The following PCDH9 variants were observed in gnomAD, a reference collection of about 807,000 sequenced individuals.
The protein encoded by PCDH9 is protocadherin 9.
PCDH9 carries 24 observed loss-of-function variants against 70.6 expected under a neutral mutation model. The ratio of observed to expected loss-of-function variants is 0.34; its 90% CI spans 0.25 to 0.48. The LOEUF (loss-of-function observed/expected upper bound fraction) is 0.48. Among genes scored for constraint, PCDH9 ranks in the 20% least tolerant of loss-of-function variants. The pLI is 0.99. For synonymous variants in PCDH9, 562 were observed against 558.5 expected (o/e 1.01, Z -0.09); for missense variants, 1,281 against 1,503.6 (o/e 0.85, Z 2.45).
chr13:66,357,327 T>A (rs192303391), intron 4 of PCDH9, among the ~76,000 whole-genome samples: 161 of 152,128 alleles, frequency 1.1e-3, no homozygotes, highest in African/African-American at 3.6e-3. Flanking sequence ...AATCAGTACA[T>A]GGTTGAAATC....
intron 2 of PCDH9, among the ~76,000 whole-genome samples, chr13:67,022,506 C>A (rs917147531): frequency 2.0e-5 from 3 of 152,162 alleles, no homozygotes; most frequent in Non-Finnish European, 4.4e-5. Context: ...CACCTTGAAA[C>A]GTGAAAAATG....
At chr13:66,318,029 C>T (rs779141875) in intron 4 of PCDH9, among the ~76,000 whole-genome samples, 1 of 152,064 alleles carries the variant, frequency 6.6e-6, no homozygotes, top group Non-Finnish European at 1.5e-5. Flanking sequence ...AATGCCATTA[C>T]TCTGTTATTG....
rs1566458892 is a variant in PCDH9 at position 66,617,873 on chromosome 13, GGCGT to G, written c.3340+13333_3340+13336del. On this transcript the variant is annotated intron_variant, in intron 4 of 4. Transcript: ENST00000377865. The stretch of plus-strand genomic sequence containing the variant: ...CCTCAGACTGCCGTTTCCACAAAAC[GGCGT>G]CCCCTGTCAGCAGGAAGCAGTTCTT... Among the ~76,000 whole-genome samples the G allele has an allele frequency of 1.3e-3, 202 of 152,284 alleles. 1 individual carries two copies. Among genetic ancestry groups the G allele is most frequent in the African/African-American group, 4.6e-3 (193 of 41,562 alleles).
chr13:67,144,868 C>T (rs952297615), intron 2 of PCDH9, among the ~76,000 whole-genome samples: 2 of 152,162 alleles, frequency 1.3e-5, no homozygotes, highest in Admixed American at 6.5e-5. Flanking sequence ...TCTGCAGTCA[C>T]ATTCTTTTGA....
intron 4 of PCDH9, among the ~76,000 whole-genome samples, chr13:66,599,675 C>T (rs181905247): frequency 5.8e-4 from 88 of 151,732 alleles, no homozygotes; most frequent in African/African-American, 1.5e-3. Flanking sequence ...TTGATTAGTA[C>T]AGTGTATCCA....
chr13:66,918,206 TAGAG>T (rs1321698804), intron 2 of PCDH9, among the ~76,000 whole-genome samples: 1 of 150,774 alleles, frequency 6.6e-6, no homozygotes, highest in Non-Finnish European at 1.5e-5. Context: ...AAGTACAAAA[TAGAG>T]AGGAAGAGAG....
intron 3 of PCDH9, among the ~76,000 whole-genome samples, chr13:66,641,656 AG>A (rs989508334): frequency 2.0e-5 from 3 of 152,146 alleles, no homozygotes; most frequent in African/African-American, 7.2e-5. Flanking sequence ...CACACAAAAA[AG>A]CATCCTTTGA....
At chr13:66,643,860 T>A (rs1207443049) in intron 3 of PCDH9, among the ~76,000 whole-genome samples, 1 of 152,024 alleles carries the variant, frequency 6.6e-6, no homozygotes, top group Non-Finnish European at 1.5e-5. Flanking sequence ...TACACAGAAT[T>A]GCCTTCTAAT....
chr13:67,067,856 T>C (rs193181343), intron 2 of PCDH9, among the ~76,000 whole-genome samples: 24 of 152,078 alleles, frequency 1.6e-4, no homozygotes, highest in Non-Finnish European at 3.2e-4. Flanking sequence ...ATCAGGTATA[T>C]GTAAGTGTTC....
chr13:66,892,447 T>G (rs983528448), intron 3 of PCDH9, among the ~76,000 whole-genome samples: 9 of 151,908 alleles, frequency 5.9e-5, no homozygotes, highest in Non-Finnish European at 1.2e-4. Flanking sequence ...CATCCAAAAT[T>G]TAGCTACATG....
intron 3 of PCDH9, among the ~76,000 whole-genome samples, chr13:66,694,517 A>G (rs1281011904): frequency 2.6e-5 from 4 of 152,208 alleles, no homozygotes; most frequent in Non-Finnish European, 5.9e-5. Flanking sequence ...GTAGGTTAAA[A>G]AATATGACCC....
At chr13:66,789,626 C>T (rs1483425506) in intron 3 of PCDH9, among the ~76,000 whole-genome samples, 1 of 152,032 alleles carries the variant, frequency 6.6e-6, no homozygotes, top group East Asian at 1.9e-4. Flanking sequence ...TCTATATTCT[C>T]CATTAGTAAA....
intron 4 of PCDH9, among the ~76,000 whole-genome samples, chr13:66,553,537 C>G (rs1488205944): frequency 6.6e-6 from 1 of 152,096 alleles, no homozygotes; most frequent in African/African-American, 2.4e-5. Context: ...GCAAATACTC[C>G]ACTAGAAATT....
chr13:66,567,842 G>A (rs2076674944), intron 4 of PCDH9, among the ~76,000 whole-genome samples: 1 of 152,102 alleles, frequency 6.6e-6, no homozygotes, highest in Admixed American at 6.6e-5. Flanking sequence ...GTGCTTATAA[G>A]GTTTCTGATG....
At chr13:67,189,039 C>T (rs755008735) in intron 2 of PCDH9, among the ~76,000 whole-genome samples, 22 of 152,004 alleles carry the variant, frequency 1.4e-4, no homozygotes, top group African/African-American at 4.8e-4. Context: ...GAACATACGA[C>T]GTTTGGTTTT....
intron 4 of PCDH9, among the ~76,000 whole-genome samples, chr13:66,488,027 C>G (rs1028444037): frequency 2.6e-5 from 4 of 152,090 alleles, no homozygotes; most frequent in Admixed American, 1.3e-4. Flanking sequence ...TTCCTGGTGC[C>G]GAACCATACA....
chr13:66,978,538 T>C (rs926196617), intron 2 of PCDH9: 5 of 151,794 alleles, frequency 3.3e-5, no homozygotes, highest in Non-Finnish European at 7.4e-5. Context: ...CATATGCTCC[T>C]ATTTTAGTTT....
At chr13:66,622,769 C>G (rs749142724) in intron 4 of PCDH9, among the ~76,000 whole-genome samples, 5 of 152,136 alleles carry the variant, frequency 3.3e-5, no homozygotes, top group East Asian at 1.9e-4. Context: ...GCAGGCTGCC[C>G]GGGCAGGCAG....
At chr13:67,175,975 C>T (rs2088441162) in intron 2 of PCDH9, among the ~76,000 whole-genome samples, 1 of 151,472 alleles carries the variant, frequency 6.6e-6, no homozygotes, top group Admixed American at 6.6e-5. Flanking sequence ...TGTTCATTCA[C>T]AGCAAGAAGA....
Sources: gnomAD v4.1 joint callset for allele counts (sites outside exome capture counted in the v4.1 genomes callset) on GRCh38, gnomAD v4.1.1 for gene constraint, MANE v1.5 for transcripts, NCBI Gene and HGNC (gene_info 2026-07-23, HGNC 2026-07-21) for gene names.